The following BTG4 variants were observed in gnomAD, a reference collection of about 807,000 sequenced individuals.
The protein encoded by BTG4 is protein BTG4.
A neutral mutation model predicts 19.3 loss-of-function variants in BTG4; 10 were observed. The observed-to-expected ratio is 0.52, with a 90% CI of 0.32 to 0.88. The LOEUF is 0.88. BTG4 is among the 40% of genes least tolerant of loss of function. The pLI is 0.04. For synonymous variants in BTG4, 91 were observed against 95.7 expected, an observed-to-expected ratio of 0.95 and a Z score of 0.29; for missense variants, 238 against 281.9, an observed-to-expected ratio of 0.84 and a Z score of 1.11.
At chr11:111,481,956 C>T (rs983541297) in intron 5 of BTG4, among the ~76,000 whole-genome samples, 6 of 151,452 alleles carry the variant, frequency 4.0e-5, no homozygotes, top group African/African-American at 1.5e-4. Context: ...AACATAGAGC[C>T]AAAAGTTACA....
At chr11:111,473,967 C>T (rs1864239273) in intron 5 of BTG4, among the ~76,000 whole-genome samples, 1 of 152,138 alleles carries the variant, frequency 6.6e-6, no homozygotes. Context: ...TTAAAAATCA[C>T]ACGTTTTGGT....
At chr11:111,436,056 A>G in the BTG4 span, among the ~76,000 whole-genome samples, 3 of 152,222 alleles carry the variant, frequency 2.0e-5, no homozygotes, top group Non-Finnish European at 2.9e-5. Context: ...CTTTTGAAAG[A>G]TATTATTTCC....
At chr11:111,404,394 G>A in the BTG4 span, among the ~76,000 whole-genome samples, 1 of 152,198 alleles carries the variant, frequency 6.6e-6, no homozygotes, top group Non-Finnish European at 1.5e-5. Flanking sequence ...TCCAGCTAGA[G>A]GAGAAAGGGC....
intron 1 of BTG4, among the ~76,000 whole-genome samples, chr11:111,504,517 GC>G: frequency 6.6e-6 from 1 of 152,062 alleles, no homozygotes; most frequent in East Asian, 1.9e-4. Context: ...AATGTAAGTG[GC>G]ATTGTTTGAA....
the BTG4 span, chr11:111,457,004 C>A: frequency 6.4e-6 from 1 of 156,952 alleles, no homozygotes; most frequent in African/African-American, 2.4e-5. Context: ...TCCTGCTCTG[C>A]AGGGCTGAAG....
chr11:111,421,438 G>A, the BTG4 span, among the ~76,000 whole-genome samples: 2 of 152,280 alleles, frequency 1.3e-5, no homozygotes, highest in African/African-American at 2.4e-5. Context: ...CTAGTCAACC[G>A]ATTTGCAAAG....
At chr11:111,495,472 G>A (rs939028032) in intron 4 of BTG4, among the ~76,000 whole-genome samples, 158 bp from the exon 5 acceptor site, 2 of 152,118 alleles carry the variant, frequency 1.3e-5, no homozygotes, top group African/African-American at 2.4e-5. Flanking sequence ...AGCACTTGGC[G>A]GGAACATAAA....
chr11:111,436,486 C>T, the BTG4 span, among the ~76,000 whole-genome samples: 1 of 152,080 alleles, frequency 6.6e-6, no homozygotes, highest in East Asian at 1.9e-4. Flanking sequence ...ATTAGCTGGG[C>T]GTGGTAGTGG....
chr11:111,389,821 C>T, the BTG4 span, among the ~76,000 whole-genome samples: 1 of 152,142 alleles, frequency 6.6e-6, no homozygotes, highest in Non-Finnish European at 1.5e-5. Flanking sequence ...TGTCCCACAA[C>T]TAGACACAAT....
intron 1 of BTG4, among the ~76,000 whole-genome samples, chr11:111,502,886 A>G (rs1454798317): frequency 1.3e-5 from 2 of 152,222 alleles, no homozygotes; most frequent in East Asian, 1.9e-4. Context: ...TCAGGAAAGA[A>G]CAATCAAATA....
chr11:111,384,055 T>C, the BTG4 span, among the ~76,000 whole-genome samples: 1 of 152,218 alleles, frequency 6.6e-6, no homozygotes, highest in Non-Finnish European at 1.5e-5. Context: ...AAAATTCTAA[T>C]ATTTGAGAGT....
intron 1 of BTG4, among the ~76,000 whole-genome samples, chr11:111,508,836 C>T (rs1218504470): frequency 6.7e-6 from 1 of 150,204 alleles, no homozygotes; most frequent in Admixed American, 6.6e-5. Context: ...ATTCATATTA[C>T]ATACTAATAT....
chr11:111,483,447 C>T (rs984895594), intron 5 of BTG4, among the ~76,000 whole-genome samples: 1 of 152,102 alleles, frequency 6.6e-6, no homozygotes, highest in African/African-American at 2.4e-5. Flanking sequence ...GAATCAGAAT[C>T]ACCACCTTGA....
the BTG4 span, among the ~76,000 whole-genome samples, chr11:111,448,819 C>T: frequency 6.6e-6 from 1 of 152,044 alleles, no homozygotes; most frequent in African/African-American, 2.4e-5. Flanking sequence ...ATACAGGGTA[C>T]CCAGTTAAAC....
At chr11:111,511,174 A>G (rs377025339) in intron 1 of BTG4, among the ~76,000 whole-genome samples, 9 of 152,276 alleles carry the variant, frequency 5.9e-5, no homozygotes, top group African/African-American at 1.9e-4. Flanking sequence ...CTTGTCTTTC[A>G]CAATTTAATT....
At chr11:111,497,122 T>A (rs781740367) in intron 4 of BTG4, 89 bp downstream of exon 4, 1 of 1,302,186 alleles carries the variant, frequency 7.7e-7, no homozygotes, top group Non-Finnish European at 1.1e-6. Flanking sequence ...TCTTTCCATG[T>A]TTTTTTGCTT....
the BTG4 span, chr11:111,457,936 A>T: frequency 6.6e-6 from 1 of 152,588 alleles, no homozygotes; most frequent in Non-Finnish European, 1.5e-5. Flanking sequence ...GCAGGAAGAC[A>T]GTCCGGCTCC....
chr11:111,445,713 T>C, the BTG4 span, among the ~76,000 whole-genome samples: 3 of 152,226 alleles, frequency 2.0e-5, no homozygotes, highest in Non-Finnish European at 4.4e-5. Context: ...TCTTTTCCGG[T>C]TTGCCATTCC....
At chr11:111,494,704 T>C (rs962685319), downstream of BTG4, 1 of 204,056 alleles carries the variant, frequency 4.9e-6, no homozygotes, top group Non-Finnish European at 8.7e-6. Context: ...GACAGGAGGA[T>C]TGCTTGAGCT....
Sources: gnomAD v4.1 joint callset for allele counts (sites outside exome capture counted in the v4.1 genomes callset) on GRCh38, gnomAD v4.1.1 for gene constraint, MANE v1.5 for transcripts, NCBI Gene and HGNC (gene_info 2026-07-23, HGNC 2026-07-21) for gene names.